TP53BP1: variants seen among roughly 807,000 people sequenced by gnomAD.
The protein encoded by TP53BP1 is TP53-binding protein 1.
A neutral mutation model predicts 200.8 loss-of-function variants in TP53BP1; 61 were observed. The ratio of observed to expected loss-of-function variants is 0.30; its 90% CI spans 0.25 to 0.38. The LOEUF is 0.38. Ranked by LOEUF, TP53BP1 falls within the 10% of genes least tolerant of loss-of-function variation. The pLI, the probability that TP53BP1 is intolerant of heterozygous loss-of-function variation, is 1.00. For synonymous variants in TP53BP1, 822 were observed against 844.3 expected, an observed-to-expected ratio of 0.97 and a Z score of 0.46; for missense variants, 2,144 against 2,371.9, an observed-to-expected ratio of 0.90 and a Z score of 2.00.
At chr15:43,475,531 C>A (rs1416390816) in intron 9 of TP53BP1, 34 bp downstream of exon 9, 1 of 1,612,070 alleles carries the variant, frequency 6.2e-7, no homozygotes, top group African/African-American at 1.3e-5. Flanking sequence ...CAGGCACATA[C>A]TGCCTTGGCA....
At chr15:43,461,745 T>C (rs1035234555) in intron 11 of TP53BP1, among the ~76,000 whole-genome samples, 1 of 151,844 alleles carries the variant, frequency 6.6e-6, no homozygotes, top group Non-Finnish European at 1.5e-5. Flanking sequence ...CTCCGCTCAC[T>C]GCAACCTCCA....
chr15:43,459,039 C>T (rs985569573), intron 11 of TP53BP1, among the ~76,000 whole-genome samples: 1 of 152,052 alleles, frequency 6.6e-6, no homozygotes, highest in Non-Finnish European at 1.5e-5. Context: ...AATTATTATT[C>T]GTAAGATGTG....
upstream of TP53BP1, among the ~76,000 whole-genome samples, chr15:43,493,508 GGAGA>G (rs756183518): frequency 6.6e-5 from 10 of 152,258 alleles, no homozygotes; most frequent in African/African-American, 1.7e-4. Context: ...TCCTGGAAAA[GGAGA>G]GAGTTTCCCA....
At chr15:43,486,307 C>T (rs1048300308) in intron 4 of TP53BP1, among the ~76,000 whole-genome samples, 56 of 152,194 alleles carry the variant, frequency 3.7e-4, no homozygotes, top group African/African-American at 1.2e-3. Context: ...ACCCAGGAGG[C>T]GGAGGTTGCC....
intron 1 of TP53BP1, among the ~76,000 whole-genome samples, chr15:43,502,858 C>T (rs1335518813): frequency 3.3e-5 from 5 of 151,924 alleles, no homozygotes; most frequent in Admixed American, 1.3e-4. Flanking sequence ...CGGGTTCAAG[C>T]GATTCTTGTA....
In TP53BP1 at chr15:43,485,563, C is replaced by T. The variant is rs568455277; in HGVS notation, c.372-4541G>A. On this transcript the variant is annotated intron_variant, in intron 4 of 27. Transcript: ENST00000382044. Reference sequence around the variant, plus strand: ...CTGCACTCCAGCCTGGGCAACAGAGCGAGACGCCGTCTCAAAAAAAAAAAA... The same window carrying T: ...CTGCACTCCAGCCTGGGCAACAGAGTGAGACGCCGTCTCAAAAAAAAAAAA... Among the ~76,000 whole-genome samples the T allele has an allele frequency of 3.2e-5, 3 of 94,740 alleles. No individual in the cohort carries two copies. In the South Asian group the frequency reaches 1.0e-3, roughly 33 times the overall value. 62.2% of individuals were successfully genotyped at this position (94,740 alleles called of 152,430 possible). A position where few individuals can be genotyped will look rare whatever the true frequency, so the allele number is the denominator to read the frequency against.
chr15:43,405,233 T>C lies in TP53BP1; in HGVS notation c.*2150A>G, dbSNP rs1446010120. 1.2e-6 allele frequency: 2 copies of C among 1,614,030 alleles called. No individual in the cohort carries two copies. Among genetic ancestry groups the C allele is most frequent in the South Asian group, 1.1e-5 (1 of 91,080 alleles). Reference sequence around the variant, plus strand: ...GATGTGAAAATTTCTGGCTCATAAATTGAAATAACAGCCACGTTCCCAAGG... The same window carrying C: ...GATGTGAAAATTTCTGGCTCATAAACTGAAATAACAGCCACGTTCCCAAGG... On this transcript the variant is annotated 3_prime_UTR_variant, in exon 28 of 28. Transcript: ENST00000382044.
intron 18 of TP53BP1, among the ~76,000 whole-genome samples, chr15:43,424,771 T>C (rs2045487052): frequency 6.6e-6 from 1 of 152,216 alleles, no homozygotes; most frequent in Non-Finnish European, 1.5e-5. Flanking sequence ...TTCATGTTAG[T>C]GGGGACAGGG....
rs1441769466 is a variant in TP53BP1 at position 43,405,213 on chromosome 15, G to C, written c.*2170C>G. On this transcript the variant is annotated 3_prime_UTR_variant, in exon 28 of 28. Transcript: ENST00000382044. ...TTTCTCTTTTGTAGTTTCGGGATGT[G>C]AAAATTTCTGGCTCATAAATTGAAA... 39 of 1,614,084 alleles carry C rather than the reference G, an allele frequency of 2.4e-5. No homozygotes were observed. The highest frequency in any genetic ancestry group is 3.3e-5 in the Non-Finnish European group (39 of 1,179,978).
intron 16 of TP53BP1, among the ~76,000 whole-genome samples, chr15:43,433,189 G>C (rs551320046): frequency 6.6e-6 from 1 of 151,878 alleles, no homozygotes; most frequent in Non-Finnish European, 1.5e-5. Flanking sequence ...GACTTACAAA[G>C]GATAAAGCTG....
At chr15:43,502,243 A>G (rs918498130) in intron 1 of TP53BP1, among the ~76,000 whole-genome samples, 9 of 152,128 alleles carry the variant, frequency 5.9e-5, no homozygotes, top group Non-Finnish European at 8.8e-5. Flanking sequence ...AGATCAATTG[A>G]GCCCAGGAGT....
intron 14 of TP53BP1, among the ~76,000 whole-genome samples, chr15:43,442,178 C>T (rs1432498507): frequency 1.3e-5 from 2 of 150,540 alleles, no homozygotes; most frequent in Non-Finnish European, 3.0e-5. Context: ...CTCTGCCTCC[C>T]GGGTTCACGC....
At chr15:43,496,036 G>T (rs2079181016), upstream of TP53BP1, among the ~76,000 whole-genome samples, 1 of 152,060 alleles carries the variant, frequency 6.6e-6, no homozygotes, top group Non-Finnish European at 1.5e-5. Flanking sequence ...GGCCTTTATT[G>T]ACTCCTAGAC....
chr15:43,428,589 A>G (rs1319378139), intron 17 of TP53BP1, among the ~76,000 whole-genome samples: 1 of 152,226 alleles, frequency 6.6e-6, no homozygotes, highest in Non-Finnish European at 1.5e-5. Flanking sequence ...TCCTTTATAT[A>G]AAACCAGAAT....
At chr15:43,414,733 T>C (rs1377662524) in intron 23 of TP53BP1, among the ~76,000 whole-genome samples, 1 of 150,602 alleles carries the variant, frequency 6.6e-6, no homozygotes, top group Non-Finnish European at 1.5e-5. Context: ...TTTGATGGAG[T>C]CTCACTCTGT....
intron 1 of TP53BP1, among the ~76,000 whole-genome samples, chr15:43,502,799 C>T (rs2079216261): frequency 6.6e-6 from 1 of 151,036 alleles, no homozygotes; most frequent in Non-Finnish European, 1.5e-5. Context: ...TTTGTCACTC[C>T]AGCTGGAGTG....
At chr15:43,506,788 AT>A (rs1276276066) in intron 1 of TP53BP1, among the ~76,000 whole-genome samples, 1 of 152,060 alleles carries the variant, frequency 6.6e-6, no homozygotes, top group Admixed American at 6.5e-5. Context: ...GTCCCTAATA[AT>A]CCCCTTGAGG....
chr15:43,467,646 C>G (rs1017577928), intron 11 of TP53BP1, among the ~76,000 whole-genome samples: 6 of 152,150 alleles, frequency 3.9e-5, no homozygotes, highest in African/African-American at 9.7e-5. Context: ...TCTCCACCCC[C>G]CCAACCAGCA....
chr15:43,470,960 G>A (rs1314656807), intron 10 of TP53BP1, among the ~76,000 whole-genome samples: 1 of 152,130 alleles, frequency 6.6e-6, no homozygotes, highest in Non-Finnish European at 1.5e-5. Context: ...CACCTAATTT[G>A]GGATCCAGTG....
Sources: gnomAD v4.1 joint callset for allele counts (sites outside exome capture counted in the v4.1 genomes callset) on GRCh38, gnomAD v4.1.1 for gene constraint, MANE v1.5 for transcripts, NCBI Gene and HGNC (gene_info 2026-07-23, HGNC 2026-07-21) for gene names.